ZNF385D: variants seen among roughly 807,000 people sequenced by gnomAD.
ZNF385D encodes zinc finger protein 659.
A neutral mutation model predicts 35.8 loss-of-function variants in ZNF385D; 15 were observed. The ratio of observed to expected loss-of-function variants is 0.42; its 90% CI spans 0.28 to 0.64. ZNF385D has a LOEUF of 0.64. Among genes scored for constraint, ZNF385D ranks in the 30% least tolerant of loss-of-function variants. The pLI is 0.23. For missense variants in ZNF385D, 474 were observed against 494.6 expected, an observed-to-expected ratio of 0.96 and a Z score of 0.39; for synonymous variants, 212 against 186.8, an observed-to-expected ratio of 1.13 and a Z score of -1.10.
chr3:22,038,753 T>C lies in ZNF385D; in HGVS notation c.325+130064A>G, dbSNP rs188668069. Among the ~76,000 whole-genome samples the C allele has an allele frequency of 2.3e-3, 348 of 152,072 alleles. 3 individuals are homozygous for C. Among genetic ancestry groups the C allele is most frequent in the African/African-American group, 7.8e-3 (323 of 41,512 alleles). The stretch of plus-strand genomic sequence containing the variant: ...TGATAATGGATGTTAAGATTATAGA[T>C]TTCATACACACTAAGGAAAAAATAT... On this transcript the variant is annotated intron_variant, in intron 3 of 5. Transcript: ENST00000494108.
intron 3 of ZNF385D, among the ~76,000 whole-genome samples, chr3:21,912,290 A>G (rs1044154252): frequency 2.6e-5 from 4 of 152,034 alleles, no homozygotes; most frequent in Non-Finnish European, 5.9e-5. Context: ...TAGTTTACCC[A>G]TTTGTTGCAG....
intron 3 of ZNF385D, among the ~76,000 whole-genome samples, chr3:21,891,187 G>A (rs571488321): frequency 6.6e-5 from 10 of 152,164 alleles, no homozygotes; most frequent in Non-Finnish European, 1.2e-4. Flanking sequence ...ACACGCAGAA[G>A]GTAATCAATA....
intron 3 of ZNF385D, among the ~76,000 whole-genome samples, chr3:21,875,807 T>A (rs907600783): frequency 7.2e-6 from 1 of 139,734 alleles, no homozygotes; most frequent in Non-Finnish European, 1.6e-5. Context: ...GCTCTATTTG[T>A]ACAGCTCTTA....
chr3:21,624,829 G>A (rs1425339119), intron 2 of ZNF385D, among the ~76,000 whole-genome samples: 4 of 151,996 alleles, frequency 2.6e-5, no homozygotes, highest in Non-Finnish European at 5.9e-5. Flanking sequence ...ATGTTTTCCT[G>A]TTTCCAAGTT....
At chr3:22,222,135 C>T (rs1231395721) in intron 2 of ZNF385D, among the ~76,000 whole-genome samples, 2 of 152,040 alleles carry the variant, frequency 1.3e-5, no homozygotes, top group Non-Finnish European at 2.9e-5. Flanking sequence ...TACCACCACT[C>T]CCAGCTAATT....
chr3:21,702,391 C>T (rs1455037466), intron 1 of ZNF385D, among the ~76,000 whole-genome samples: 1 of 152,176 alleles, frequency 6.6e-6, no homozygotes, highest in East Asian at 1.9e-4. Flanking sequence ...CCTAGGGTGC[C>T]ACAGCACGGG....
chr3:22,044,652 C>T (rs1698873562), intron 3 of ZNF385D, among the ~76,000 whole-genome samples: 2 of 152,010 alleles, frequency 1.3e-5, no homozygotes, highest in African/African-American at 4.8e-5. Context: ...AAATGGGATA[C>T]AGGGCACAGA....
intron 1 of ZNF385D, among the ~76,000 whole-genome samples, chr3:21,701,601 C>G (rs1420892449): frequency 6.6e-6 from 1 of 152,176 alleles, no homozygotes; most frequent in Non-Finnish European, 1.5e-5. Flanking sequence ...TAACTCATTT[C>G]AGCATTAACC....
chr3:22,020,746 A>G (rs182315428), intron 3 of ZNF385D, among the ~76,000 whole-genome samples: 1 of 152,156 alleles, frequency 6.6e-6, no homozygotes, highest in Admixed American at 6.6e-5. Flanking sequence ...ATATAGAACT[A>G]CCATTTAATC....
intron 3 of ZNF385D, among the ~76,000 whole-genome samples, chr3:21,758,847 T>C (rs866057144): frequency 6.6e-6 from 1 of 151,814 alleles, no homozygotes. Flanking sequence ...TCACTTTAAA[T>C]GTATGTATAA....
At chr3:21,734,460 C>T (rs2069153995) in intron 1 of ZNF385D, among the ~76,000 whole-genome samples, 1 of 150,696 alleles carries the variant, frequency 6.6e-6, no homozygotes, top group South Asian at 2.1e-4. Context: ...TTTATATGCT[C>T]TTATATAAGA....
intron 2 of ZNF385D, among the ~76,000 whole-genome samples, chr3:22,184,894 C>A (rs114002732): frequency 0.015 from 2,257 of 152,150 alleles, 52 homozygotes; most frequent in African/African-American, 0.051. Context: ...TCCATAGATA[C>A]CTGTTTTTAA....
At chr3:21,505,367 T>C (rs1022609613) in intron 4 of ZNF385D, among the ~76,000 whole-genome samples, 1 of 147,494 alleles carries the variant, frequency 6.8e-6, no homozygotes, top group African/African-American at 2.5e-5. Flanking sequence ...GACCATAAGA[T>C]TGAAGGAACA....
chr3:22,259,987 G>A (rs1342629437), intron 2 of ZNF385D, among the ~76,000 whole-genome samples: 1 of 151,878 alleles, frequency 6.6e-6, no homozygotes, highest in Non-Finnish European at 1.5e-5. Flanking sequence ...ACACGAAAAG[G>A]TCATAAGCAA....
chr3:22,180,060 AG>A (rs1245421307), intron 2 of ZNF385D, among the ~76,000 whole-genome samples: 6 of 152,206 alleles, frequency 3.9e-5, no homozygotes, highest in Admixed American at 2.6e-4. Flanking sequence ...AAAGAAGAAA[AG>A]AGAGAATAAT....
At chr3:22,072,934 T>C (rs1700297220) in intron 3 of ZNF385D, among the ~76,000 whole-genome samples, 1 of 151,984 alleles carries the variant, frequency 6.6e-6, no homozygotes, top group South Asian at 2.1e-4. Flanking sequence ...AAAGCATTTG[T>C]CCTGAGCACA....
intron 2 of ZNF385D, among the ~76,000 whole-genome samples, chr3:22,278,793 C>T (rs1198186190): frequency 6.6e-6 from 1 of 152,070 alleles, no homozygotes; most frequent in Non-Finnish European, 1.5e-5. Context: ...GTTAAGAATT[C>T]CTTCTCTTGG....
intron 3 of ZNF385D, among the ~76,000 whole-genome samples, chr3:21,974,209 C>T (rs1416667555): frequency 6.6e-6 from 1 of 151,998 alleles, no homozygotes; most frequent in Admixed American, 6.6e-5. Flanking sequence ...CAGTATGGTA[C>T]TGGCATATAA....
chr3:22,314,028 T>C (rs146901296), intron 2 of ZNF385D, among the ~76,000 whole-genome samples: 4 of 152,298 alleles, frequency 2.6e-5, no homozygotes, highest in South Asian at 2.1e-4. Context: ...GCAGTGCTTC[T>C]CACTCTGAGT....
Sources: gnomAD v4.1 joint callset for allele counts (sites outside exome capture counted in the v4.1 genomes callset) on GRCh38, gnomAD v4.1.1 for gene constraint, MANE v1.5 for transcripts, NCBI Gene and HGNC (gene_info 2026-07-23, HGNC 2026-07-21) for gene names.